Variants in MYO18B observed in about 807,000 individuals in gnomAD.
MYO18B encodes the protein myosin XVIIIB.
In MYO18B, 204 loss-of-function variants were observed where a neutral mutation model predicts 273.0. The ratio of observed to expected loss-of-function variants is 0.75; its 90% CI spans 0.67 to 0.84. The LOEUF (loss-of-function observed/expected upper bound fraction) is 0.84. Among genes scored for constraint, MYO18B ranks in the 40% least tolerant of loss-of-function variants. The pLI, the probability that MYO18B is intolerant of heterozygous loss-of-function variation, is 0.00. For synonymous variants in MYO18B, 1,330 were observed against 1,305.7 expected, an observed-to-expected ratio of 1.02 and a Z score of -0.40; for missense variants, 3,212 against 3,287.6, an observed-to-expected ratio of 0.98 and a Z score of 0.56.
intron 11 of MYO18B, among the ~76,000 whole-genome samples, chr22:25,786,722 A>G (rs757821627): frequency 6.6e-6 from 1 of 152,202 alleles, no homozygotes; most frequent in Non-Finnish European, 1.5e-5. Context: ...TAAAGTCACT[A>G]TTAGTATGAA....
the MYO18B span, among the ~76,000 whole-genome samples, chr22:26,046,437 GGCACCTCCC>G: frequency 1.3e-5 from 2 of 152,218 alleles, no homozygotes; most frequent in East Asian, 3.9e-4. Context: ...TGTCCTCAAG[GGCACCTCCC>G]AAGTATTTCC....
At chr22:25,848,559 A>T (rs2090328135) in intron 20 of MYO18B, among the ~76,000 whole-genome samples, 1 of 152,164 alleles carries the variant, frequency 6.6e-6, no homozygotes, top group African/African-American at 2.4e-5. Context: ...TTGGGTTATC[A>T]CCAGGTCCAC....
chr22:25,992,532 G>T, intron 40 of MYO18B, 39 bp downstream of exon 40: 1 of 1,612,192 alleles, frequency 6.2e-7, no homozygotes, highest in Middle Eastern at 1.7e-4. Context: ...GGCGCAGCAG[G>T]TGGGCGGCAT....
At chr22:25,949,482 TA>T (rs760192906) in intron 36 of MYO18B, among the ~76,000 whole-genome samples, 1 of 152,144 alleles carries the variant, frequency 6.6e-6, no homozygotes, top group Non-Finnish European at 1.5e-5. Flanking sequence ...AATGACTGCA[TA>T]ATGGGGAGAA....
intron 34 of MYO18B, among the ~76,000 whole-genome samples, chr22:25,935,146 GA>G: frequency 6.6e-6 from 1 of 152,286 alleles, no homozygotes; most frequent in South Asian, 2.1e-4. Flanking sequence ...CCTGGTACAG[GA>G]AAAGTGAGTT....
intron 36 of MYO18B, among the ~76,000 whole-genome samples, chr22:25,950,109 C>A (rs1240745512): frequency 6.6e-6 from 1 of 152,156 alleles, no homozygotes; most frequent in Non-Finnish European, 1.5e-5. Flanking sequence ...TGTCTGGGTT[C>A]TCAAGGGTAT....
chr22:25,762,497 C>G (rs924437114), intron 2 of MYO18B, among the ~76,000 whole-genome samples: 1 of 152,282 alleles, frequency 6.6e-6, no homozygotes, highest in Non-Finnish European at 1.5e-5. Flanking sequence ...CATGCCTCAG[C>G]CTCCAAGTCG....
intron 1 of MYO18B, among the ~76,000 whole-genome samples, chr22:25,746,420 A>G (rs2085780229): frequency 6.6e-6 from 1 of 152,194 alleles, no homozygotes; most frequent in Non-Finnish European, 1.5e-5. Context: ...GACCAGTGTC[A>G]GCGTAGACAC....
At chr22:25,808,318 A>G (rs2088577536) in intron 12 of MYO18B, among the ~76,000 whole-genome samples, 4 of 152,278 alleles carry the variant, frequency 2.6e-5, no homozygotes, top group Admixed American at 6.5e-5. Context: ...GCTGGGGATC[A>G]CTTTGCATAA....
chr22:26,047,416 G>A, the MYO18B span, among the ~76,000 whole-genome samples: 6 of 152,284 alleles, frequency 3.9e-5, no homozygotes, highest in Non-Finnish European at 5.9e-5. Context: ...GTGAGCCACC[G>A]CGCCCAGCCA....
At chr22:25,891,540 A>C (rs2091662064) in intron 27 of MYO18B, 128 bp downstream of exon 27, 1 of 639,364 alleles carries the variant, frequency 1.6e-6, no homozygotes, top group Non-Finnish European at 2.8e-6. Flanking sequence ...TTGGCAGAGC[A>C]AACAGGCACA....
chr22:25,834,592 G>A (rs2331163), intron 16 of MYO18B, among the ~76,000 whole-genome samples: 129,771 of 152,144 alleles, frequency 0.85, 56,997 homozygotes, highest in Non-Finnish European at 0.96. Context: ...TACTGTGCAT[G>A]TTGCATTTCC....
At chr22:25,799,946 A>G (rs1300026653) in intron 12 of MYO18B, among the ~76,000 whole-genome samples, 1 of 123,708 alleles carries the variant, frequency 8.1e-6, no homozygotes, top group East Asian at 2.3e-4. Flanking sequence ...TCCACCAATG[A>G]GTGGATAAAG....
chr22:25,909,790 C>T (rs1482994643), intron 32 of MYO18B, among the ~76,000 whole-genome samples: 3 of 152,168 alleles, frequency 2.0e-5, no homozygotes, highest in East Asian at 1.9e-4. Context: ...CTATCTCTCA[C>T]GTTGGCAGGA....
chr22:26,023,304 A>G (rs1935963685), intron 42 of MYO18B, among the ~76,000 whole-genome samples: 1 of 152,044 alleles, frequency 6.6e-6, no homozygotes, highest in Admixed American at 6.5e-5. Flanking sequence ...CCTTGATTGA[A>G]TTCGACAGCA....
At chr22:26,013,690 T>C (rs932893613) in intron 42 of MYO18B, among the ~76,000 whole-genome samples, 1 of 152,248 alleles carries the variant, frequency 6.6e-6, no homozygotes. Context: ...GGTTTTGTTA[T>C]TTAAAAAATT....
chr22:25,851,647 C>A, intron 21 of MYO18B, 68 bp downstream of exon 21: 2 of 1,172,740 alleles, frequency 1.7e-6, no homozygotes, highest in South Asian at 1.3e-5. Flanking sequence ...GGACATGTTC[C>A]AAGGCTGGGC....
At chr22:26,047,833 A>G in the MYO18B span, among the ~76,000 whole-genome samples, 1 of 152,078 alleles carries the variant, frequency 6.6e-6, no homozygotes, top group Non-Finnish European at 1.5e-5. Flanking sequence ...CTTGCATTCT[A>G]TTTTAGTTGC....
chr22:25,860,457 CCTT>C (rs695596), intron 21 of MYO18B, among the ~76,000 whole-genome samples: 8,858 of 152,186 alleles, frequency 0.058, 581 homozygotes, highest in African/African-American at 0.16. Context: ...GGTTCAAAAT[CCTT>C]CTCCTCTTCC....
Sources: allele counts gnomAD v4.1 joint callset (sites outside exome capture counted in the v4.1 genomes callset), GRCh38; gene constraint gnomAD v4.1.1; transcripts MANE v1.5; gene names NCBI Gene and HGNC (gene_info 2026-07-23, HGNC 2026-07-21).